LINGO3: variants seen among roughly 807,000 people sequenced by gnomAD.
LINGO3 encodes leucine-rich repeat and immunoglobulin-like domain-containing nogo receptor-interacting protein 3.
For synonymous variants in LINGO3, 427 were observed against 444.2 expected (o/e 0.96, Z 0.49); for missense variants, 750 against 867.7 (o/e 0.86, Z 1.70).
At chr19:2,292,558 C>A (rs1381418046), upstream of LINGO3, among the ~76,000 whole-genome samples, 1 of 151,776 alleles carries the variant, frequency 6.6e-6, no homozygotes, top group Non-Finnish European at 1.5e-5. Context: ...GGCTTGATCT[C>A]GGCTCACTGA....
exon 1 of LINGO3, chr19:2,291,066 C>T (rs1363639843): frequency 3.7e-6 from 6 of 1,610,060 alleles, no homozygotes; most frequent in Middle Eastern, 3.3e-4. Flanking sequence ...CCGCCGCCAC[C>T]TCCTCCAGCA....
the LINGO3 span, among the ~76,000 whole-genome samples, chr19:2,298,451 C>T: frequency 3.3e-5 from 5 of 151,852 alleles, no homozygotes; most frequent in African/African-American, 9.7e-5. Flanking sequence ...AGGCTGGTCT[C>T]GAACTCCTGG....
upstream of LINGO3, among the ~76,000 whole-genome samples, chr19:2,292,559 G>A (rs2025536035): frequency 1.3e-5 from 2 of 151,066 alleles, no homozygotes; most frequent in Non-Finnish European, 3.0e-5. Context: ...GCTTGATCTC[G>A]GCTCACTGAA....
At chr19:2,303,273 A>C in the LINGO3 span, among the ~76,000 whole-genome samples, 1 of 152,096 alleles carries the variant, frequency 6.6e-6, no homozygotes, top group African/African-American at 2.4e-5. Flanking sequence ...AGGTGGGGGC[A>C]CAAACAGGTG....
At chr19:2,288,923 C>T (rs2025489434), downstream of LINGO3, among the ~76,000 whole-genome samples, 1 of 150,648 alleles carries the variant, frequency 6.6e-6, no homozygotes, top group South Asian at 2.1e-4. This position sits in a 1 kb window ranked among gnomAD's most constrained non-coding sequence, Gnocchi z 6.5. Context: ...CTGTGGTCAG[C>T]TCTGGTGCCC....
exon 1 of LINGO3, chr19:2,291,905 G>C: frequency 2.6e-6 from 2 of 776,434 alleles, no homozygotes; most frequent in Non-Finnish European, 4.2e-6. Context: ...CCCCTAACCC[G>C]TCCCAGCACG....
rs1053537850 is a variant in LINGO3 at position 2,290,677 on chromosome 19, C to A, written c.1100G>T (p.Arg367Leu). Residue 367 changes from arginine (R) to leucine (L), a missense_variant, in exon 1 of 1, where the codon CGC (arginine) becomes CTC (leucine). Coordinates refer to ENST00000585527, the Ensembl canonical transcript of LINGO3. This position sits in a 1 kb window ranked among gnomAD's most constrained non-coding sequence, Gnocchi z 6.0. ...CCGCCCGTCGAAGTTGAGGGTCTTG[C>A]GACGCTGCACGATCCACAGCAGGCG... is the stretch of plus-strand genomic sequence containing the variant. The A allele has an allele frequency of 3.7e-6, 6 of 1,608,082 alleles. No individual in the cohort carries two copies. Among genetic ancestry groups the A allele is most frequent in the Non-Finnish European group, 5.1e-6 (6 of 1,178,178 alleles).
the LINGO3 span, among the ~76,000 whole-genome samples, chr19:2,305,611 G>A: frequency 6.6e-6 from 1 of 152,288 alleles, no homozygotes; most frequent in East Asian, 1.9e-4. Flanking sequence ...CCCAGGGCAA[G>A]GGATGCTGAC....
the LINGO3 span, among the ~76,000 whole-genome samples, chr19:2,306,113 C>G: frequency 2.6e-5 from 4 of 152,222 alleles, no homozygotes; most frequent in African/African-American, 4.8e-5. Flanking sequence ...TTTGGAGCAC[C>G]CACTGTCTAC....
At chr19:2,289,833 T>G (rs2025500466) in exon 1 of LINGO3, 2 of 570,330 alleles carry the variant, frequency 3.5e-6, no homozygotes, top group Middle Eastern at 9.3e-4. Flanking sequence ...AAAAGACGCA[T>G]GCTGATGAAA....
At chr19:2,291,783 G>T (rs1321279485) in exon 1 of LINGO3, 2 of 1,423,648 alleles carry the variant, frequency 1.4e-6, no homozygotes, top group Admixed American at 5.3e-5. Context: ...TCATGGTGCG[G>T]AGCGTGGGCC....
rs1023618110 is a variant in LINGO3, at chr19:2,290,184, G to C, written c.1593C>G (p.Thr531=). ...CCAGGAAGGTGATGCAGCCCATGGC[G>C]GTGGACACCAGGATGGTGGTGAGGT... Residue 531 remains threonine (T), a synonymous_variant, in exon 1 of 1, where the codon ACC becomes ACG. Transcript: ENST00000585527. This position sits in a 1 kb window ranked among gnomAD's most constrained non-coding sequence, Gnocchi z 6.0. 3 of 1,611,786 alleles carry C rather than the reference G, an allele frequency of 1.9e-6. No individual in the cohort carries two copies. In the African/African-American group the frequency reaches 4.0e-5, roughly 22 times the overall value.
upstream of LINGO3, among the ~76,000 whole-genome samples, chr19:2,296,821 G>A (rs1238871182): frequency 6.7e-6 from 1 of 149,346 alleles, no homozygotes; most frequent in Non-Finnish European, 1.5e-5. Context: ...GGGCATGGTG[G>A]CTCACACCTG....
upstream of LINGO3, among the ~76,000 whole-genome samples, chr19:2,295,975 TCGAGGGAGGGAGGAAGGGAGGGAG>T (rs2025568017): frequency 6.6e-6 from 1 of 150,760 alleles, no homozygotes; most frequent in South Asian, 2.1e-4. Context: ...CATAGGAAAC[TCGAGGGAGGGAGGAAGGGAGGGAG>T]CGAGAGAGGG....
chr19:2,292,730 T>G (rs933595331), upstream of LINGO3, among the ~76,000 whole-genome samples: 3 of 152,080 alleles, frequency 2.0e-5, no homozygotes, highest in Non-Finnish European at 4.4e-5. Flanking sequence ...CCTCAGGTGA[T>G]CCACCTGCCT....
the LINGO3 span, among the ~76,000 whole-genome samples, chr19:2,308,142 A>AGCCGCCGCCGCC: frequency 4.8e-3 from 668 of 139,662 alleles, 5 homozygotes; most frequent in African/African-American, 6.9e-3. Context: ...CGACACGAGC[A>AGCCGCCGCCGCC]GCCGCCGCCG....
chr19:2,308,080 G>A, the LINGO3 span, among the ~76,000 whole-genome samples: 1 of 149,122 alleles, frequency 6.7e-6, no homozygotes, highest in Non-Finnish European at 1.5e-5. Flanking sequence ...ACTCACCTGG[G>A]CGGCTCCGCC....
exon 1 of LINGO3, chr19:2,289,966 G>A (rs1453251189): frequency 6.9e-7 from 1 of 1,447,782 alleles, no homozygotes; most frequent in Admixed American, 2.4e-5. Context: ...GCCCGCGGGG[G>A]AGGGGAGGGG....
In LINGO3 at chr19:2,290,892, G is replaced by A. The variant is rs772150532; in HGVS notation, c.885C>T (p.Arg295=). 15 of 1,611,246 alleles carry A rather than the reference G, an allele frequency of 9.3e-6. No homozygotes were observed. In the South Asian group the frequency reaches 1.3e-4, roughly 14 times the overall value. Residue 295 remains arginine, a synonymous_variant, in exon 1 of 1, where the codon CGC becomes CGT. Coordinates refer to ENST00000585527, the Ensembl canonical transcript of LINGO3. The surrounding 1 kb of genome is among the most constrained non-coding windows in gnomAD (Gnocchi z 6.0). The stretch of plus-strand genomic sequence containing the variant: ...CCCCGGCCAGGTGCAGCTCGCGCAG[G>A]CGGACCAGGTCCCGGAACGACCCCC...
Sources: allele counts gnomAD v4.1 joint callset (sites outside exome capture counted in the v4.1 genomes callset), GRCh38; gene constraint gnomAD v4.1.1; non-coding constraint Gnocchi (gnomAD v3.1); transcripts MANE v1.5; gene names NCBI Gene and HGNC (gene_info 2026-07-23, HGNC 2026-07-21).